The following CAMTA1 variants were observed in gnomAD, a reference collection of about 807,000 sequenced individuals.
The protein encoded by CAMTA1 is calmodulin binding transcription activator 1, also known as calmodulin-binding transcription activator 1.
A neutral mutation model predicts 170.9 loss-of-function variants in CAMTA1; 27 were observed. The ratio of observed to expected loss-of-function variants is 0.16; its 90% CI spans 0.12 to 0.22. CAMTA1 has a LOEUF of 0.22. CAMTA1 is among the 10% of genes least tolerant of loss of function. The probability of loss-of-function intolerance (pLI) is 1.00; values close to 1 mark genes in which losing one functional copy is unlikely to be tolerated. For missense variants in CAMTA1, 1,619 were observed against 2,217.2 expected, an observed-to-expected ratio of 0.73 and a Z score of 5.42; for synonymous variants, 833 against 891.5, an observed-to-expected ratio of 0.93 and a Z score of 1.17.
At chr1:6,847,740 G>A (rs1183210646) in intron 3 of CAMTA1, among the ~76,000 whole-genome samples, 1 of 148,886 alleles carries the variant, frequency 6.7e-6, no homozygotes, top group Non-Finnish European at 1.5e-5. Flanking sequence ...GTCCCCCTCT[G>A]TCACCCAGGC....
At chr1:7,149,762 G>A (rs1646462272) in intron 4 of CAMTA1, among the ~76,000 whole-genome samples, 1 of 152,232 alleles carries the variant, frequency 6.6e-6, no homozygotes, top group Non-Finnish European at 1.5e-5. Context: ...GGCCTGGGCG[G>A]CGGCCAGCAG....
Position 7,093,794 on chromosome 1 carries a change from C to T in CAMTA1, c.302+2423C>T, listed in dbSNP as rs942850426. Among the ~76,000 whole-genome samples, 10 of 152,152 alleles carry T rather than the reference C, an allele frequency of 6.6e-5. No homozygotes were observed. The highest frequency in any genetic ancestry group is 1.3e-4 in the Non-Finnish European group (9 of 68,030). ...GGTGGGTTTCAGATGTGGTCAAGTCCGGGTTTGAGTCCTGGCTCCGTCACT... is the reference window on the plus strand; with the variant it reads ...GGTGGGTTTCAGATGTGGTCAAGTCTGGGTTTGAGTCCTGGCTCCGTCACT... On this transcript the variant is annotated intron_variant, in intron 4 of 22. Transcript: ENST00000303635. The surrounding 1 kb of genome is among the most constrained non-coding windows in gnomAD (Gnocchi z 4.6).
chr1:7,708,978 A>G (rs1285160425), intron 11 of CAMTA1, among the ~76,000 whole-genome samples: 1 of 151,994 alleles, frequency 6.6e-6, no homozygotes, highest in African/African-American at 2.4e-5. Flanking sequence ...CCTGACTTTC[A>G]CCACCCCATA....
intron 6 of CAMTA1, among the ~76,000 whole-genome samples, chr1:7,471,110 C>T (rs528947548): frequency 6.6e-6 from 1 of 152,308 alleles, no homozygotes; most frequent in Non-Finnish European, 1.5e-5. Flanking sequence ...CCTGAGTTGA[C>T]GTGGCACGTA....
chr1:7,593,891 A>T (rs889536207), intron 6 of CAMTA1, among the ~76,000 whole-genome samples: 2 of 151,242 alleles, frequency 1.3e-5, no homozygotes, highest in African/African-American at 4.9e-5. Context: ...AAAATGCAAA[A>T]ATTAACCTGG....
At chr1:7,383,027 A>G (rs845208) in intron 5 of CAMTA1, among the ~76,000 whole-genome samples, 105,305 of 152,106 alleles carry the variant, frequency 0.69, 36,968 homozygotes, top group Middle Eastern at 0.77. Flanking sequence ...AATGATGAAC[A>G]AAACCAGACC....
At chr1:7,448,923 C>G (rs2092745316) in intron 5 of CAMTA1, among the ~76,000 whole-genome samples, 1 of 152,344 alleles carries the variant, frequency 6.6e-6, no homozygotes, top group East Asian at 1.9e-4. Flanking sequence ...TGCTCTGAGG[C>G]AGCGATCCAG....
At chr1:7,023,748 C>T (rs1028387733) in intron 3 of CAMTA1, among the ~76,000 whole-genome samples, 1 of 152,066 alleles carries the variant, frequency 6.6e-6, no homozygotes, top group African/African-American at 2.4e-5. Context: ...TTAGTTAAGG[C>T]CAGGTGTGGT....
At chr1:7,207,749 T>G (rs1400082473) in intron 4 of CAMTA1, among the ~76,000 whole-genome samples, 1 of 152,186 alleles carries the variant, frequency 6.6e-6, no homozygotes, top group African/African-American at 2.4e-5. Flanking sequence ...TCCAAGCTCC[T>G]GGTATCTTGT....
At chr1:7,623,661 G>A (rs1248537144) in intron 6 of CAMTA1, among the ~76,000 whole-genome samples, 1 of 152,212 alleles carries the variant, frequency 6.6e-6, no homozygotes, top group Non-Finnish European at 1.5e-5. Context: ...ACCACACCCA[G>A]CTAATTCTGT....
Position 6,815,290 on chromosome 1 carries a change from G to A in CAMTA1, c.46-4891G>A, listed in dbSNP as rs79215270. Among the ~76,000 whole-genome samples, 373 of 151,374 alleles carry A rather than the reference G, an allele frequency of 2.5e-3. 1 individual carries two copies. Among genetic ancestry groups the A allele is most frequent in the African/African-American group, 8.8e-3 (361 of 41,208 alleles). ...TGCTGTCATGGCTCACTGCAACCTC[G>A]ATCTCCCAGGCTCAAGCAATCCGCC... On this transcript the variant is annotated intron_variant, in intron 1 of 22. Coordinates refer to ENST00000303635, the MANE Select transcript of CAMTA1 (RefSeq NM_015215.4).
chr1:7,193,562 G>A (rs1573796948), intron 4 of CAMTA1, among the ~76,000 whole-genome samples: 1 of 151,824 alleles, frequency 6.6e-6, no homozygotes, highest in South Asian at 2.1e-4. Flanking sequence ...TGAGGGGAGG[G>A]GATGGGATAG....
chr1:6,846,986 T>A (rs1024073879), intron 3 of CAMTA1, among the ~76,000 whole-genome samples: 4 of 152,076 alleles, frequency 2.6e-5, no homozygotes, highest in Non-Finnish European at 5.9e-5. Context: ...GATGGTCTGC[T>A]TGAGCACATG....
rs796885954 is a variant in CAMTA1 at position 7,067,831 on chromosome 1, TCA to T, written c.235-23472_235-23471del. ...ATAAACCTAGATCCGTCTAAGCCCA[TCA>T]TGGTCAGTGATTGGTTTAGGGGCGG... is the stretch of plus-strand genomic sequence containing the variant. On this transcript the variant is annotated intron_variant, in intron 3 of 22. Transcript: ENST00000303635. This position sits in a 1 kb window ranked among gnomAD's most constrained non-coding sequence, Gnocchi z 4.3. Among the ~76,000 whole-genome samples the T allele has an allele frequency of 2.0e-5, 3 of 152,316 alleles. No individual in the cohort carries two copies. The highest frequency in any genetic ancestry group is 7.2e-5 in the African/African-American group (3 of 41,564).
chr1:7,031,240 A>T (rs1337543762), intron 3 of CAMTA1, among the ~76,000 whole-genome samples: 1 of 151,926 alleles, frequency 6.6e-6, no homozygotes, highest in Non-Finnish European at 1.5e-5. Flanking sequence ...TGCTTCATAT[A>T]TGTTGAAGCT....
chr1:6,904,352 C>T lies in CAMTA1; in HGVS notation c.234+79142C>T, dbSNP rs191962474. Among the ~76,000 whole-genome samples the T allele has an allele frequency of 1.0e-3, 152 of 152,340 alleles. 1 individual carries two copies. Among genetic ancestry groups the T allele is most frequent in the African/African-American group, 3.4e-3 (143 of 41,570 alleles). On this transcript the variant is annotated intron_variant, in intron 3 of 22. Coordinates refer to ENST00000303635, the MANE Select transcript of CAMTA1 (RefSeq NM_015215.4). ...GCCCTGGGACACCGTCTTCCTGCCT[C>T]ACCATCTGGTCCCTGCCCCTTTCAA... is the stretch of plus-strand genomic sequence containing the variant.
chr1:7,672,280 CACCCA>C (rs1433862485), intron 10 of CAMTA1, among the ~76,000 whole-genome samples: 10 of 152,124 alleles, frequency 6.6e-5, no homozygotes, highest in Non-Finnish European at 1.5e-4. Flanking sequence ...TTCTAGGTTC[CACCCA>C]AGGTGGTCCA....
At chr1:7,166,996 A>G (rs1648611616) in intron 4 of CAMTA1, among the ~76,000 whole-genome samples, 2 of 151,710 alleles carry the variant, frequency 1.3e-5, no homozygotes, top group South Asian at 4.2e-4. Flanking sequence ...TTTTTAGTAG[A>G]GATGGGGTTT....
intron 4 of CAMTA1, among the ~76,000 whole-genome samples, chr1:7,163,618 A>G (rs538663193): frequency 2.0e-5 from 3 of 152,328 alleles, no homozygotes; most frequent in Admixed American, 6.5e-5. Flanking sequence ...AGGCTCTGCA[A>G]TACTTGGGGT....
Sources: allele counts gnomAD v4.1 joint callset (sites outside exome capture counted in the v4.1 genomes callset), GRCh38; gene constraint gnomAD v4.1.1; non-coding constraint Gnocchi (gnomAD v3.1); transcripts MANE v1.5; gene names NCBI Gene and HGNC (gene_info 2026-07-23, HGNC 2026-07-21).